The following IPO11 variants were observed in gnomAD, a reference collection of about 807,000 sequenced individuals.
The protein encoded by IPO11 is importin 11.
IPO11 carries 66 observed loss-of-function variants against 143.2 expected under a neutral mutation model. The observed-to-expected ratio is 0.46, with a 90% CI of 0.38 to 0.57. The LOEUF is 0.57. Ranked by LOEUF, IPO11 falls within the 20% of genes least tolerant of loss-of-function variation. The probability of loss-of-function intolerance (pLI) is 0.00; values close to 1 mark genes in which losing one functional copy is unlikely to be tolerated. For missense variants in IPO11, 1,026 were observed against 1,141.0 expected (o/e 0.90, Z 1.45); for synonymous variants, 385 against 377.8 (o/e 1.02, Z -0.22).
At chr5:62,439,284 GTTTTTTTTT>G (rs1226593063) in intron 2 of IPO11, among the ~76,000 whole-genome samples, 1 of 90,924 alleles carries the variant, frequency 1.1e-5, no homozygotes, top group Non-Finnish European at 2.0e-5. Flanking sequence ...AACTGCGTAG[GTTTTTTTTT>G]TTTTTTTTTT....
intron 1 of IPO11, among the ~76,000 whole-genome samples, chr5:62,436,321 C>T (rs1744231310): frequency 6.6e-6 from 1 of 152,178 alleles, no homozygotes; most frequent in Non-Finnish European, 1.5e-5. Flanking sequence ...TAATAACTTT[C>T]AGACTTTTAC....
chr5:62,484,203 C>T, intron 11 of IPO11, 41 bp downstream of exon 11: 1 of 1,513,772 alleles, frequency 6.6e-7, no homozygotes, highest in Non-Finnish European at 8.9e-7. Flanking sequence ...CTTTTCTCCC[C>T]TTTCTATAAA....
intron 20 of IPO11, among the ~76,000 whole-genome samples, chr5:62,522,065 A>G (rs188567082): frequency 3.1e-3 from 472 of 152,234 alleles, no homozygotes; most frequent in Non-Finnish European, 5.3e-3. Flanking sequence ...CATTTTAATC[A>G]TATCTGTTGA....
chr5:62,515,787 C>T (rs1274302363), intron 20 of IPO11, among the ~76,000 whole-genome samples: 1 of 151,948 alleles, frequency 6.6e-6, no homozygotes, highest in Non-Finnish European at 1.5e-5. Context: ...CATGCAGTTT[C>T]CTTGGTGGTC....
intron 5 of IPO11, among the ~76,000 whole-genome samples, chr5:62,457,348 G>C (rs1024084487): frequency 6.6e-6 from 1 of 152,050 alleles, no homozygotes; most frequent in Non-Finnish European, 1.5e-5. Flanking sequence ...ATTAGGCATG[G>C]TGGTGTATGT....
intron 29 of IPO11, among the ~76,000 whole-genome samples, chr5:62,605,534 A>G (rs1359632985): frequency 6.6e-6 from 1 of 152,008 alleles, no homozygotes; most frequent in Non-Finnish European, 1.5e-5. Context: ...GTATATTCTA[A>G]TTAGTAGAAT....
At chr5:62,451,641 C>A in intron 4 of IPO11, 89 bp from the exon 5 acceptor site, 1 of 972,422 alleles carries the variant, frequency 1.0e-6, no homozygotes, top group Non-Finnish European at 1.6e-6. Context: ...TCATTTTTGT[C>A]AAGTGTATAA....
chr5:62,420,705 G>T (rs246200), intron 1 of IPO11, among the ~76,000 whole-genome samples: 13,724 of 151,704 alleles, frequency 0.09, 671 homozygotes, highest in East Asian at 0.14. Flanking sequence ...TCAGCCTCCT[G>T]AGTAGCTGGG....
At chr5:62,526,111 T>G in intron 20 of IPO11, 31 bp from the exon 21 acceptor site, 1 of 1,432,658 alleles carries the variant, frequency 7.0e-7, no homozygotes, top group South Asian at 1.2e-5. Flanking sequence ...TTAGAGTGTC[T>G]TATTATAAGT....
chr5:62,536,348 T>C (rs966870779), intron 22 of IPO11, among the ~76,000 whole-genome samples: 3 of 152,112 alleles, frequency 2.0e-5, no homozygotes, highest in Non-Finnish European at 2.9e-5. Flanking sequence ...GGAGCTTGGC[T>C]TTTTTCTGAA....
At chr5:62,595,011 A>G (rs919283158) in intron 28 of IPO11, among the ~76,000 whole-genome samples, 4 of 152,218 alleles carry the variant, frequency 2.6e-5, no homozygotes, top group Non-Finnish European at 2.9e-5. Flanking sequence ...TAGAAAGGTC[A>G]CTTTGATGCA....
intron 1 of IPO11, among the ~76,000 whole-genome samples, chr5:62,414,578 T>C (rs745959501): frequency 3.3e-5 from 5 of 152,216 alleles, no homozygotes; most frequent in African/African-American, 7.2e-5. Context: ...TCAGACTTAT[T>C]ACAGATAAGT....
At chr5:62,485,988 T>C (rs1226049704) in intron 12 of IPO11, among the ~76,000 whole-genome samples, 1 of 149,046 alleles carries the variant, frequency 6.7e-6, no homozygotes, top group East Asian at 1.9e-4. Context: ...CTTTTTCTTT[T>C]TTTTTTTTTT....
chr5:62,509,511 A>C (rs991641884), intron 19 of IPO11, among the ~76,000 whole-genome samples: 1 of 152,228 alleles, frequency 6.6e-6, no homozygotes, highest in Admixed American at 6.5e-5. Context: ...AGAACACTTA[A>C]CATGAGATCC....
At chr5:62,544,759 G>A (rs549600678) in intron 24 of IPO11, among the ~76,000 whole-genome samples, 50 of 152,176 alleles carry the variant, frequency 3.3e-4, no homozygotes, top group African/African-American at 9.4e-4. Context: ...AAAATCTCAG[G>A]ATACAAAATC....
chr5:62,429,223 A>T (rs1187434611), intron 1 of IPO11, among the ~76,000 whole-genome samples: 1 of 151,978 alleles, frequency 6.6e-6, no homozygotes, highest in Non-Finnish European at 1.5e-5. Context: ...TGTGTTATAA[A>T]TTTGCCTGTT....
At chr5:62,427,285 C>G (rs960881136) in intron 1 of IPO11, among the ~76,000 whole-genome samples, 7 of 151,966 alleles carry the variant, frequency 4.6e-5, no homozygotes, top group Non-Finnish European at 8.8e-5. Flanking sequence ...TTGAAAACTC[C>G]AAGCAGAAGT....
chr5:62,600,620 T>TA (rs1745472072), intron 28 of IPO11, among the ~76,000 whole-genome samples: 1 of 152,214 alleles, frequency 6.6e-6, no homozygotes, highest in South Asian at 2.1e-4. Context: ...TTTGGGTTGA[T>TA]AGAGTAATGT....
At chr5:62,435,061 T>C (rs1042956309) in intron 1 of IPO11, among the ~76,000 whole-genome samples, 3 of 111,928 alleles carry the variant, frequency 2.7e-5, no homozygotes, top group African/African-American at 1.1e-4. Flanking sequence ...TATATATATA[T>C]GTATATATAT....
Sources: gnomAD v4.1 joint callset for allele counts (sites outside exome capture counted in the v4.1 genomes callset) on GRCh38, gnomAD v4.1.1 for gene constraint, MANE v1.5 for transcripts, NCBI Gene and HGNC (gene_info 2026-07-23, HGNC 2026-07-21) for gene names.